CPNE4: variants seen among roughly 807,000 people sequenced by gnomAD.
CPNE4 encodes copine-4.
Under a neutral mutation model 67.9 loss-of-function variants are expected in CPNE4, and 25 were observed. That is an observed-to-expected ratio of 0.37 (90% CI 0.27 to 0.51). The LOEUF (loss-of-function observed/expected upper bound fraction) is 0.51, where lower values mean the gene tolerates loss of function less well. Among genes scored for constraint, CPNE4 ranks in the 20% least tolerant of loss-of-function variants. The pLI, the probability that CPNE4 is intolerant of heterozygous loss-of-function variation, is 0.93. For synonymous variants in CPNE4, 242 were observed against 244.9 expected (o/e 0.99, Z 0.11); for missense variants, 464 against 690.8 (o/e 0.67, Z 3.68).
rs372966155 is a variant in CPNE4, at chr3:131,794,532, CA to C, written c.181-70908del. On this transcript the variant is annotated intron_variant, in intron 2 of 15. Transcript: ENST00000429747. Reference sequence around the variant, plus strand: ...TGCTGGGATTACTGGCGTGAGCCACCACACCCAGCTGGACACTGCATTTCTA... The same window carrying C: ...TGCTGGGATTACTGGCGTGAGCCACCCACCCAGCTGGACACTGCATTTCTA... 1.2e-4 allele frequency among the ~76,000 whole-genome samples: 18 copies of C among 152,288 alleles called. 1 individual carries two copies. Among genetic ancestry groups the C allele is most frequent in the African/African-American group, 4.3e-4 (18 of 41,580 alleles).
At chr3:131,734,409 T>C (rs35417453) in intron 2 of CPNE4, among the ~76,000 whole-genome samples, 41,364 of 152,034 alleles carry the variant, frequency 0.27, 5,796 homozygotes, top group Middle Eastern at 0.32. Context: ...TTGGTGGAAA[T>C]GTGGTGTTGG....
At chr3:131,573,969 G>A (rs528084976) in intron 10 of CPNE4, among the ~76,000 whole-genome samples, 11 of 152,168 alleles carry the variant, frequency 7.2e-5, no homozygotes, top group African/African-American at 2.6e-4. Flanking sequence ...TTAGGGCAGA[G>A]GATACTTCCC....
At chr3:132,013,302 G>C (rs2073816426) in intron 1 of CPNE4, among the ~76,000 whole-genome samples, 2 of 151,942 alleles carry the variant, frequency 1.3e-5, no homozygotes, top group African/African-American at 4.9e-5. Flanking sequence ...TGAATAACCG[G>C]AAGTTTTATT....
At chr3:131,667,538 C>T (rs2080295751) in intron 7 of CPNE4, among the ~76,000 whole-genome samples, 1 of 151,838 alleles carries the variant, frequency 6.6e-6, no homozygotes, top group Non-Finnish European at 1.5e-5. Context: ...AGGACAGCTC[C>T]CCACAGGAAA....
chr3:131,740,524 C>G (rs534602534), intron 2 of CPNE4, among the ~76,000 whole-genome samples: 16 of 152,162 alleles, frequency 1.1e-4, no homozygotes, highest in Non-Finnish European at 2.2e-4. Flanking sequence ...TCCAACCCAC[C>G]ACCAAATCCT....
intron 2 of CPNE4, among the ~76,000 whole-genome samples, chr3:131,728,842 G>A (rs1010023485): frequency 7.3e-5 from 11 of 150,182 alleles, no homozygotes; most frequent in African/African-American, 2.7e-4. Flanking sequence ...CCCGGGAGGC[G>A]GAGCTTGCAG....
At chr3:131,741,196 T>G (rs766192784) in intron 2 of CPNE4, among the ~76,000 whole-genome samples, 5 of 152,152 alleles carry the variant, frequency 3.3e-5, no homozygotes, top group Non-Finnish European at 7.3e-5. Flanking sequence ...CGGCATAATG[T>G]AAAGTAAATG....
chr3:132,029,914 A>G (rs970169489), intron 1 of CPNE4, among the ~76,000 whole-genome samples: 1 of 152,234 alleles, frequency 6.6e-6, no homozygotes, highest in Non-Finnish European at 1.5e-5. Flanking sequence ...TATTGACTCA[A>G]TTGTGACATT....
At chr3:131,944,214 C>A (rs1560646840) in intron 1 of CPNE4, among the ~76,000 whole-genome samples, 1 of 147,266 alleles carries the variant, frequency 6.8e-6, no homozygotes, top group East Asian at 2.0e-4. Context: ...GAACCTCTTT[C>A]CTCTCTCTCT....
chr3:131,819,031 T>G (rs2107963650), intron 2 of CPNE4, among the ~76,000 whole-genome samples: 1 of 152,210 alleles, frequency 6.6e-6, no homozygotes, highest in East Asian at 1.9e-4. Context: ...ACCCAGGAGA[T>G]GGAGGTTGCA....
intron 2 of CPNE4, among the ~76,000 whole-genome samples, chr3:131,773,565 C>A (rs2083222011): frequency 6.6e-6 from 1 of 151,958 alleles, no homozygotes. Flanking sequence ...TCAGGCTGGT[C>A]TCGAACTCCT....
chr3:131,685,217 G>A (rs2080861461), intron 6 of CPNE4, among the ~76,000 whole-genome samples: 1 of 152,056 alleles, frequency 6.6e-6, no homozygotes, highest in African/African-American at 2.4e-5. Context: ...GAATTTTTGT[G>A]AGAAATAAAA....
intron 7 of CPNE4, among the ~76,000 whole-genome samples, chr3:131,629,904 TTCTC>T (rs144642297): frequency 2.0e-5 from 3 of 150,826 alleles, no homozygotes; most frequent in East Asian, 1.9e-4. Flanking sequence ...CTCTCTCTCG[TTCTC>T]TCTCTCTCTC....
At chr3:131,939,913 C>T (rs2071338027) in intron 1 of CPNE4, among the ~76,000 whole-genome samples, 1 of 152,092 alleles carries the variant, frequency 6.6e-6, no homozygotes, top group Admixed American at 6.6e-5. Flanking sequence ...ATAGTATTCT[C>T]ATTTTACATG....
chr3:131,863,439 T>G (rs1310306629), intron 2 of CPNE4, among the ~76,000 whole-genome samples: 1 of 152,258 alleles, frequency 6.6e-6, no homozygotes, highest in Non-Finnish European at 1.5e-5. Context: ...TGGTTTCGAT[T>G]TGCATTTCTC....
intron 2 of CPNE4, among the ~76,000 whole-genome samples, chr3:131,748,221 T>C (rs2082539901): frequency 6.6e-6 from 1 of 152,082 alleles, no homozygotes; most frequent in African/African-American, 2.4e-5. Flanking sequence ...ATTATGGCAA[T>C]GTAATAGATT....
At chr3:131,876,257 A>C (rs2087442897) in intron 2 of CPNE4, among the ~76,000 whole-genome samples, 1 of 149,490 alleles carries the variant, frequency 6.7e-6, no homozygotes, top group Non-Finnish European at 1.5e-5. Context: ...TAAATAAATA[A>C]ATAAATAAAT....
chr3:131,775,275 T>C (rs1232376440), intron 2 of CPNE4, among the ~76,000 whole-genome samples: 1 of 152,156 alleles, frequency 6.6e-6, no homozygotes. Context: ...GCCCAAAGCA[T>C]AAATTCTTTA....
intron 2 of CPNE4, among the ~76,000 whole-genome samples, chr3:131,858,077 C>T (rs559433801): frequency 3.9e-5 from 6 of 151,904 alleles, no homozygotes; most frequent in Admixed American, 2.0e-4. Flanking sequence ...ATCAATGATC[C>T]ATGTTTGCAA....
Sources: allele counts gnomAD v4.1 joint callset (sites outside exome capture counted in the v4.1 genomes callset), GRCh38; gene constraint gnomAD v4.1.1; transcripts MANE v1.5; gene names NCBI Gene and HGNC (gene_info 2026-07-23, HGNC 2026-07-21).